The following PDE3A variants were observed in gnomAD, a reference collection of about 807,000 sequenced individuals.
PDE3A encodes cGMP-inhibited 3',5'-cyclic phosphodiesterase 3A.
PDE3A carries 43 observed loss-of-function variants against 98.3 expected under a neutral mutation model. The observed-to-expected ratio is 0.44, with a 90% CI of 0.34 to 0.56. The LOEUF (loss-of-function observed/expected upper bound fraction) is 0.56, where lower values mean the gene tolerates loss of function less well. Among genes scored for constraint, PDE3A ranks in the 20% least tolerant of loss-of-function variants. The pLI is 0.01. For missense variants in PDE3A, 1,427 were observed against 1,440.7 expected, an observed-to-expected ratio of 0.99 and a Z score of 0.15; for synonymous variants, 663 against 567.9, an observed-to-expected ratio of 1.17 and a Z score of -2.38.
In PDE3A at chr12:20,386,229, A is replaced by AATAT. The variant is rs369627240; in HGVS notation, c.960+15986_960+15987insTATA. Among the ~76,000 whole-genome samples, 51 of 108,490 alleles carry AATAT rather than the reference A, an allele frequency of 4.7e-4. 2 individuals are homozygous for AATAT. The highest frequency in any genetic ancestry group is 2.0e-3 in the Admixed American group (16 of 8,014). The allele number at this position is 108,490 out of a possible 152,430, so 71.2% of individuals were successfully genotyped here. A position where few individuals can be genotyped will look rare whatever the true frequency, so the allele number is the denominator to read the frequency against. On this transcript the variant is annotated intron_variant, in intron 1 of 15. Transcript: ENST00000359062. ...AATATATATAAATATATAAAAAATA[A>AATAT]AAATATAAATATAAATATATTAATT...
intron 1 of PDE3A, among the ~76,000 whole-genome samples, chr12:20,556,054 A>AT (rs1357457127): frequency 4.6e-5 from 7 of 152,078 alleles, no homozygotes; most frequent in Admixed American, 2.6e-4. Flanking sequence ...GTTAAATGTT[A>AT]TTTTCAATAA....
intron 5 of PDE3A, among the ~76,000 whole-genome samples, chr12:20,626,406 C>G (rs1243613323): frequency 6.6e-6 from 1 of 150,462 alleles, no homozygotes; most frequent in Non-Finnish European, 1.5e-5. Context: ...AGAACTTATA[C>G]TTTTATAACT....
chr12:20,378,898 A>G (rs978680327), intron 1 of PDE3A, among the ~76,000 whole-genome samples: 1 of 151,608 alleles, frequency 6.6e-6, no homozygotes, highest in Non-Finnish European at 1.5e-5. Context: ...CTTTTTACCT[A>G]ATAGAGTCTT....
chr12:20,647,059 T>G, intron 12 of PDE3A, 109 bp downstream of exon 12: 1 of 686,392 alleles, frequency 1.5e-6, no homozygotes, highest in South Asian at 1.8e-5. Flanking sequence ...AAACTATACA[T>G]AGTCTTACGT....
chr12:20,546,814 C>T (rs1185741503), intron 1 of PDE3A, among the ~76,000 whole-genome samples: 2 of 151,926 alleles, frequency 1.3e-5, no homozygotes, highest in African/African-American at 4.8e-5. Flanking sequence ...TCTATAAATT[C>T]TTGTTGTATT....
intron 1 of PDE3A, among the ~76,000 whole-genome samples, chr12:20,487,139 A>C (rs924657225): frequency 1.2e-4 from 12 of 97,586 alleles, no homozygotes; most frequent in Admixed American, 2.7e-4. Flanking sequence ...TATAATATTA[A>C]ATTTGACTGG....
At chr12:20,560,768 G>A (rs1239671919) in intron 2 of PDE3A, among the ~76,000 whole-genome samples, 6 of 152,146 alleles carry the variant, frequency 3.9e-5, no homozygotes, top group African/African-American at 1.4e-4. Flanking sequence ...TCAGGACTGA[G>A]GAAATGGTGC....
intron 1 of PDE3A, among the ~76,000 whole-genome samples, chr12:20,487,504 A>AAAAG (rs1379962450): frequency 1.4e-5 from 2 of 138,284 alleles, no homozygotes; most frequent in Non-Finnish European, 3.1e-5. Context: ...TCTCTACTAA[A>AAAAG]AAAAAAAAAA....
chr12:20,546,603 C>T (rs1189416649), intron 1 of PDE3A, among the ~76,000 whole-genome samples: 1 of 151,910 alleles, frequency 6.6e-6, no homozygotes, highest in Non-Finnish European at 1.5e-5. Flanking sequence ...ATCAAACATG[C>T]CCAGGTTAAA....
chr12:20,612,815 ACT>A (rs1943904095), intron 2 of PDE3A, among the ~76,000 whole-genome samples: 2 of 151,300 alleles, frequency 1.3e-5, no homozygotes, highest in African/African-American at 4.9e-5. Flanking sequence ...CAGAGTAATG[ACT>A]CTGCTCTGAT....
At chr12:20,672,638 C>A (rs1397515771) in intron 15 of PDE3A, among the ~76,000 whole-genome samples, 1 of 125,798 alleles carries the variant, frequency 7.9e-6, no homozygotes, top group South Asian at 3.0e-4. Context: ...GGAAAACTGG[C>A]TAGCCATATG....
intron 1 of PDE3A, among the ~76,000 whole-genome samples, chr12:20,439,432 G>T (rs981112829): frequency 9.2e-5 from 14 of 152,108 alleles, no homozygotes; most frequent in Non-Finnish European, 1.6e-4. Context: ...TTCTTTATAT[G>T]CATGAAAGGG....
At chr12:20,491,798 T>C (rs1443705972) in intron 1 of PDE3A, among the ~76,000 whole-genome samples, 1 of 152,218 alleles carries the variant, frequency 6.6e-6, no homozygotes, top group African/African-American at 2.4e-5. Flanking sequence ...TTAGCTAGGT[T>C]ACTCTACCGG....
At chr12:20,476,982 A>G (rs1388818359) in intron 1 of PDE3A, among the ~76,000 whole-genome samples, 3 of 152,182 alleles carry the variant, frequency 2.0e-5, no homozygotes, top group African/African-American at 4.8e-5. Flanking sequence ...GCTATGAATT[A>G]AAAAACAGAA....
intron 1 of PDE3A, among the ~76,000 whole-genome samples, chr12:20,423,259 G>A (rs1944549257): frequency 6.6e-6 from 1 of 152,110 alleles, no homozygotes; most frequent in Admixed American, 6.5e-5. Flanking sequence ...AATAAATAAT[G>A]GCAATTAGAT....
intron 1 of PDE3A, among the ~76,000 whole-genome samples, chr12:20,387,747 T>C (rs1257473560): frequency 6.6e-6 from 1 of 152,044 alleles, no homozygotes; most frequent in Non-Finnish European, 1.5e-5. Context: ...TTGTGGTTAA[T>C]TTCTGATTAT....
At chr12:20,673,911 G>A (rs1592173854) in intron 15 of PDE3A, among the ~76,000 whole-genome samples, 1 of 151,926 alleles carries the variant, frequency 6.6e-6, no homozygotes, top group South Asian at 2.1e-4. Flanking sequence ...TACATTGCTT[G>A]GGTAGAATGG....
At chr12:20,608,328 T>G (rs922092397) in intron 2 of PDE3A, among the ~76,000 whole-genome samples, 1 of 152,178 alleles carries the variant, frequency 6.6e-6, no homozygotes, top group African/African-American at 2.4e-5. Context: ...ATAATTTTAT[T>G]CTAGAATCAT....
chr12:20,474,723 C>T (rs1359505186), intron 1 of PDE3A, among the ~76,000 whole-genome samples: 2 of 152,184 alleles, frequency 1.3e-5, no homozygotes, highest in Non-Finnish European at 2.9e-5. Context: ...TCCATCTTCA[C>T]ATTGCCTCGA....
Sources: allele counts gnomAD v4.1 joint callset (sites outside exome capture counted in the v4.1 genomes callset), GRCh38; gene constraint gnomAD v4.1.1; transcripts MANE v1.5; gene names NCBI Gene and HGNC (gene_info 2026-07-23, HGNC 2026-07-21).